The following DNAH7 variants were observed in gnomAD, a reference collection of about 807,000 sequenced individuals.
The protein encoded by DNAH7 is axonemal beta dynein heavy chain 7.
DNAH7 carries 397 observed loss-of-function variants against 444.6 expected under a neutral mutation model. The observed-to-expected ratio is 0.89, with a 90% CI of 0.82 to 0.97. The LOEUF is 0.97. Among genes scored for constraint, DNAH7 ranks in the 50% least tolerant of loss-of-function variants. The pLI, the probability that DNAH7 is intolerant of heterozygous loss-of-function variation, is 0.00. For missense variants in DNAH7, 4,902 were observed against 4,800.8 expected, an observed-to-expected ratio of 1.02 and a Z score of -0.62; for synonymous variants, 1,636 against 1,624.4, an observed-to-expected ratio of 1.01 and a Z score of -0.17.
chr2:195,871,003 C>T (rs1482818912), intron 40 of DNAH7, among the ~76,000 whole-genome samples: 1 of 152,170 alleles, frequency 6.6e-6, no homozygotes, highest in African/African-American at 2.4e-5. Context: ...AGCCTGCATC[C>T]GTATCCTGGG....
intron 47 of DNAH7, among the ~76,000 whole-genome samples, chr2:195,843,122 T>C (rs1230374499): frequency 6.6e-6 from 1 of 152,194 alleles, no homozygotes; most frequent in Non-Finnish European, 1.5e-5. Flanking sequence ...AAGTAAAAGT[T>C]AGACTTCCAA....
intron 12 of DNAH7, 144 bp downstream of exon 12, chr2:196,000,560 T>C: frequency 1.5e-6 from 1 of 676,032 alleles, no homozygotes; most frequent in Non-Finnish European, 2.3e-6. Context: ...ATTTGGAAAA[T>C]GGTAGTTTTT....
intron 19 of DNAH7, among the ~76,000 whole-genome samples, chr2:195,949,503 C>T (rs1252561149): frequency 2.6e-5 from 4 of 152,258 alleles, no homozygotes; most frequent in East Asian, 3.9e-4. Context: ...AGGCCGGTCT[C>T]GAACTCCTGA....
At chr2:196,058,187 T>C in intron 1 of DNAH7, 71 bp from the exon 2 acceptor site, 1 of 1,232,180 alleles carries the variant, frequency 8.1e-7, no homozygotes, top group Non-Finnish European at 1.1e-6. Context: ...TCAACCAAAT[T>C]TTACAGTGTT....
At chr2:195,775,727 C>T (rs1335342451) in intron 60 of DNAH7, 119 bp downstream of exon 60, 4 of 1,162,420 alleles carry the variant, frequency 3.4e-6, no homozygotes, top group African/African-American at 1.6e-5. Context: ...TTGTCTTTTC[C>T]TTTAAATGTT....
At chr2:196,058,362 A>G (rs1472535417) in intron 1 of DNAH7, among the ~76,000 whole-genome samples, 1 of 152,182 alleles carries the variant, frequency 6.6e-6, no homozygotes, top group Non-Finnish European at 1.5e-5. Context: ...ACAAACATCA[A>G]ATATATATAG....
Position 195,806,752 on chromosome 2 carries a change from C to G in DNAH7, c.10164G>C (p.Leu3388Phe). 1 of 1,613,480 alleles carries G rather than the reference C, an allele frequency of 6.2e-7. No homozygotes were observed. The highest frequency in any genetic ancestry group is 8.5e-7 in the Non-Finnish European group (1 of 1,179,618). ...EFQRMLIIRC[L>F]RPDKVIPMLQ... ...AGCCCACATTTACCTTGTCTGGCCT[C>G]AAGCAACGAATAATAAGCATCCTTT... The change falls in exon 54 of 65, where the codon TTG becomes TTC. Residue 3388 changes from leucine (L) to phenylalanine (F), a missense_variant. Coordinates refer to ENST00000312428, the MANE Select transcript of DNAH7 (RefSeq NM_018897.3).
intron 21 of DNAH7, among the ~76,000 whole-genome samples, chr2:195,931,025 CT>C (rs1688656631): frequency 6.6e-6 from 1 of 151,950 alleles, no homozygotes; most frequent in Admixed American, 6.6e-5. Flanking sequence ...ACACTGGGGA[CT>C]ACTACAAGGA....
At chr2:196,035,301 ATATTT>A (rs1267803638) in intron 5 of DNAH7, among the ~76,000 whole-genome samples, 4 of 152,260 alleles carry the variant, frequency 2.6e-5, no homozygotes, top group Admixed American at 6.5e-5. Context: ...TTGATAAATT[ATATTT>A]TAACAAAATG....
intron 17 of DNAH7, among the ~76,000 whole-genome samples, chr2:195,966,401 G>T (rs1691481130): frequency 1.3e-5 from 2 of 152,128 alleles, no homozygotes; most frequent in African/African-American, 2.4e-5. Flanking sequence ...CCCATATGCT[G>T]AGGAGAAGAA....
chr2:195,755,211 T>C lies in DNAH7; in HGVS notation c.11587-697A>G, dbSNP rs536973627. Among the ~76,000 whole-genome samples the C allele has an allele frequency of 2.6e-4, 40 of 152,344 alleles. No homozygotes were observed. The South Asian group carries it at 7.3e-3, about 28-fold the overall frequency. ...TCTCTAATTAGTCATTAGTACCCAA[T>C]AGAATGTTGCTTTGGAAGTTTTTCT... On this transcript the variant is annotated intron_variant, in intron 62 of 64. Coordinates refer to ENST00000312428, the MANE Select transcript of DNAH7 (RefSeq NM_018897.3).
intron 10 of DNAH7, 34 bp from the exon 11 acceptor site, chr2:196,001,892 C>A: frequency 6.5e-7 from 1 of 1,545,086 alleles, no homozygotes; most frequent in Non-Finnish European, 8.8e-7. Flanking sequence ...AAAGTCAGTG[C>A]TTTCAGTGAA....
chr2:196,004,952 G>A, intron 10 of DNAH7, among the ~76,000 whole-genome samples: 1 of 132,582 alleles, frequency 7.5e-6, no homozygotes, highest in Non-Finnish European at 1.5e-5. Flanking sequence ...AACAGCATGA[G>A]GCCTTGTGTC....
At chr2:195,799,822 A>C (rs1401664168) in intron 54 of DNAH7, among the ~76,000 whole-genome samples, 2 of 152,228 alleles carry the variant, frequency 1.3e-5, no homozygotes, top group Non-Finnish European at 2.9e-5. Flanking sequence ...AAAAGTAGAA[A>C]TTTTAGTTTA....
intron 57 of DNAH7, among the ~76,000 whole-genome samples, chr2:195,791,375 G>GAAA (rs545585624): frequency 9.8e-6 from 1 of 101,562 alleles, no homozygotes; most frequent in African/African-American, 3.7e-5. Context: ...GCTGAAGCAG[G>GAAA]AAAAAAAAAA....
intron 63 of DNAH7, among the ~76,000 whole-genome samples, chr2:195,745,133 G>C (rs1204680595): frequency 1.3e-5 from 2 of 152,174 alleles, no homozygotes; most frequent in Non-Finnish European, 2.9e-5. Context: ...TGTGTAACTA[G>C]AATAACCAAT....
intron 27 of DNAH7, 71 bp from the exon 28 acceptor site, chr2:195,900,565 C>A: frequency 7.4e-7 from 1 of 1,358,942 alleles, no homozygotes; most frequent in South Asian, 1.2e-5. Flanking sequence ...AGATAAATAC[C>A]ACACGCTCTC....
chr2:195,953,866 G>C (rs1444687773), intron 19 of DNAH7, among the ~76,000 whole-genome samples: 3 of 152,156 alleles, frequency 2.0e-5, no homozygotes, highest in African/African-American at 7.2e-5. Context: ...TTAATCCAGT[G>C]GCCTCTACTA....
Position 195,858,576 on chromosome 2 carries a change from A to G in DNAH7, c.7965T>C (p.Ala2655=). 1.2e-6 allele frequency: 2 copies of G among 1,614,006 alleles called. No homozygotes were observed. Among genetic ancestry groups the G allele is most frequent in the Non-Finnish European group, 1.7e-6 (2 of 1,179,954 alleles). Residue 2655 remains alanine, a synonymous_variant, in exon 43 of 65, where the codon GCT becomes GCC. Transcript: ENST00000312428. ...CATCTTTGATGGCTTTGGAAGCCATAGCTTGTTCATTCGCTATTGTTTCAT... is the reference window on the plus strand; with the variant it reads ...CATCTTTGATGGCTTTGGAAGCCATGGCTTGTTCATTCGCTATTGTTTCAT... The part of the protein sequence containing the change: ...KADETIANEQ[A]MASKAIKDEC...
Sources: allele counts gnomAD v4.1 joint callset (sites outside exome capture counted in the v4.1 genomes callset), GRCh38; gene constraint gnomAD v4.1.1; transcripts MANE v1.5; gene names NCBI Gene and HGNC (gene_info 2026-07-23, HGNC 2026-07-21).